The following CHL1 variants were observed in gnomAD, a reference collection of about 807,000 sequenced individuals.
CHL1 encodes cell adhesion molecule L1 like, also known as neural cell adhesion molecule L1-like protein.
In CHL1, 96 loss-of-function variants were observed where a neutral mutation model predicts 141.9. The observed-to-expected ratio is 0.68, with a 90% CI of 0.57 to 0.80. The LOEUF is 0.80. CHL1 is among the 30% of genes least tolerant of loss of function. The pLI, the probability that CHL1 is intolerant of heterozygous loss-of-function variation, is 0.00. For missense variants in CHL1, 1,820 were observed against 1,457.2 expected, an observed-to-expected ratio of 1.25 and a Z score of -4.05; for synonymous variants, 613 against 502.2, an observed-to-expected ratio of 1.22 and a Z score of -2.95.
At chr3:276,910 A>G (rs905757093) in intron 2 of CHL1, among the ~76,000 whole-genome samples, 2 of 151,006 alleles carry the variant, frequency 1.3e-5, no homozygotes, top group African/African-American at 4.9e-5. Context: ...AAAAAAAAAA[A>G]AAAAAAGAGT....
At chr3:311,629 C>G (rs987081321) in intron 2 of CHL1, among the ~76,000 whole-genome samples, 2 of 152,158 alleles carry the variant, frequency 1.3e-5, no homozygotes, top group African/African-American at 4.8e-5. Context: ...GGAACACAAA[C>G]AGGTCTTACC....
At chr3:266,077 T>G (rs1373690311) in intron 2 of CHL1, among the ~76,000 whole-genome samples, 1 of 152,176 alleles carries the variant, frequency 6.6e-6, no homozygotes, top group African/African-American at 2.4e-5. Context: ...GTTAGTAGCA[T>G]GGCCAATTTT....
At position 370,866 on chromosome 3, in the gene CHL1, G is replaced by A. The variant is rs138974837; in HGVS notation, c.1751+4751G>A. 3.5e-4 allele frequency among the ~76,000 whole-genome samples: 53 copies of A among 152,098 alleles called. No individual in the cohort carries two copies. The East Asian group carries it at 4.4e-3, about 13-fold the overall frequency. On this transcript the variant is annotated intron_variant, in intron 15 of 27. Coordinates refer to ENST00000256509, the MANE Select transcript of CHL1 (RefSeq NM_006614.4). The stretch of plus-strand genomic sequence containing the variant: ...TGCCTTAATTTCATTATTTACCTAG[G>A]AGTCATTCAGGAGCAAGTTTATCAA...
At chr3:261,618 C>A (rs1403718062) in intron 2 of CHL1, among the ~76,000 whole-genome samples, 1 of 152,018 alleles carries the variant, frequency 6.6e-6, no homozygotes, top group Non-Finnish European at 1.5e-5. Flanking sequence ...TTGAAACATT[C>A]CAGCTTTAAA....
intron 1 of CHL1, among the ~76,000 whole-genome samples, chr3:220,162 GT>G (rs1660321855): frequency 6.6e-6 from 1 of 152,144 alleles, no homozygotes; most frequent in Non-Finnish European, 1.5e-5. Context: ...GGGGAGGGTG[GT>G]TGACGACTGA....
intron 14 of CHL1, among the ~76,000 whole-genome samples, chr3:364,655 C>A (rs1347549503): frequency 4.6e-5 from 7 of 151,740 alleles, no homozygotes; most frequent in Non-Finnish European, 1.0e-4. Flanking sequence ...TTTACATATA[C>A]AAAAGGCATG....
At chr3:339,200 A>G (rs1040751388) in intron 5 of CHL1, among the ~76,000 whole-genome samples, 3 of 152,236 alleles carry the variant, frequency 2.0e-5, no homozygotes, top group Admixed American at 1.3e-4. Context: ...AAGTGGTTCA[A>G]TTTGGAGATT....
chr3:263,441 G>A (rs1297122461), intron 2 of CHL1, among the ~76,000 whole-genome samples: 5 of 152,096 alleles, frequency 3.3e-5, no homozygotes, highest in African/African-American at 1.2e-4. Flanking sequence ...CTTGTGACAC[G>A]TTTCTTATTT....
intron 2 of CHL1, among the ~76,000 whole-genome samples, chr3:288,386 A>G (rs1324329788): frequency 6.6e-6 from 1 of 152,058 alleles, no homozygotes; most frequent in Non-Finnish European, 1.5e-5. Context: ...TACAATGTAC[A>G]ATATATCCAG....
At chr3:200,924 A>C (rs946201325) in intron 1 of CHL1, among the ~76,000 whole-genome samples, 1 of 152,176 alleles carries the variant, frequency 6.6e-6, no homozygotes, top group African/African-American at 2.4e-5. Flanking sequence ...TAATTACTGC[A>C]GTTTATTTTA....
chr3:336,120 G>T (rs1436181975), intron 5 of CHL1, among the ~76,000 whole-genome samples: 1 of 152,140 alleles, frequency 6.6e-6, no homozygotes, highest in Non-Finnish European at 1.5e-5. Flanking sequence ...GCAGGCCCAA[G>T]CAGCTGACTT....
intron 1 of CHL1, among the ~76,000 whole-genome samples, chr3:234,117 A>T (rs1420125818): frequency 1.3e-5 from 2 of 152,000 alleles, no homozygotes; most frequent in African/African-American, 2.4e-5. Flanking sequence ...ATATTAATAT[A>T]TCAATTGAGG....
At chr3:324,017 T>C (rs1369681262) in intron 3 of CHL1, among the ~76,000 whole-genome samples, 3 of 152,152 alleles carry the variant, frequency 2.0e-5, no homozygotes, top group African/African-American at 7.2e-5. Context: ...TTGAAAGACA[T>C]TTTGAAAGAC....
chr3:238,972 T>TC (rs1692273866), intron 1 of CHL1, among the ~76,000 whole-genome samples: 3 of 151,344 alleles, frequency 2.0e-5, no homozygotes. Context: ...TCTTTTTTTT[T>TC]TGTCTTGTGA....
At chr3:256,731 A>G (rs1427315905) in intron 2 of CHL1, among the ~76,000 whole-genome samples, 2 of 152,198 alleles carry the variant, frequency 1.3e-5, no homozygotes, top group East Asian at 3.8e-4. Flanking sequence ...AAAATTTGGG[A>G]ACGAGGGGAG....
chr3:376,427 T>C (rs1706331488), intron 15 of CHL1: 2 of 516,116 alleles, frequency 3.9e-6, no homozygotes, highest in South Asian at 1.4e-5. Flanking sequence ...ATAAGTTCTT[T>C]AGGTATACCA....
At chr3:272,862 G>C (rs1695760728) in intron 2 of CHL1, among the ~76,000 whole-genome samples, 1 of 152,162 alleles carries the variant, frequency 6.6e-6, no homozygotes, top group South Asian at 2.1e-4. Context: ...TAGAGATAGA[G>C]AGGTGAATAA....
chr3:290,859 C>A (rs1330927215), intron 2 of CHL1, among the ~76,000 whole-genome samples: 1 of 151,024 alleles, frequency 6.6e-6, no homozygotes, highest in East Asian at 1.9e-4. Flanking sequence ...TTGCTTGAAC[C>A]CGGGAGACAG....
chr3:259,945 C>T (rs889558311), intron 2 of CHL1, among the ~76,000 whole-genome samples: 1 of 152,058 alleles, frequency 6.6e-6, no homozygotes, highest in African/African-American at 2.4e-5. Flanking sequence ...GCACTAAACA[C>T]TGAAAATAAA....
Sources: allele counts gnomAD v4.1 joint callset (sites outside exome capture counted in the v4.1 genomes callset), GRCh38; gene constraint gnomAD v4.1.1; transcripts MANE v1.5; gene names NCBI Gene and HGNC (gene_info 2026-07-23, HGNC 2026-07-21).